Variants in MPDZ observed in about 807,000 individuals in gnomAD.
MPDZ encodes the protein multiple PDZ domain protein.
MPDZ carries 234 observed loss-of-function variants against 239.1 expected under a neutral mutation model. The observed-to-expected ratio is 0.98, with a 90% CI of 0.88 to 1.09. The LOEUF is 1.09. MPDZ is among the 50% of genes least tolerant of loss of function. The probability of loss-of-function intolerance (pLI) is 0.00; values close to 1 mark genes in which losing one functional copy is unlikely to be tolerated. For missense variants in MPDZ, 3,175 were observed against 2,510.0 expected, an observed-to-expected ratio of 1.26 and a Z score of -5.66; for synonymous variants, 1,048 against 881.3, an observed-to-expected ratio of 1.19 and a Z score of -3.35.
chr9:13,165,532 T>TAATGATA, intron 22 of MPDZ: 1 of 1,138,054 alleles, frequency 8.8e-7, no homozygotes, highest in Non-Finnish European at 1.2e-6. Flanking sequence ...TTGTTTTTTT[T>TAATGATA]CCCCCTTTCC....
intron 1 of MPDZ, among the ~76,000 whole-genome samples, chr9:13,252,253 C>T (rs1296701578): frequency 1.3e-5 from 2 of 152,058 alleles, no homozygotes; most frequent in African/African-American, 4.8e-5. Context: ...CCCTCAAAAA[C>T]AATTAACTTC....
chr9:13,177,791 T>C (rs1443917869), intron 19 of MPDZ, among the ~76,000 whole-genome samples: 1 of 152,100 alleles, frequency 6.6e-6, no homozygotes, highest in Non-Finnish European at 1.5e-5. Context: ...TACAGGACTT[T>C]TGGGAGGACA....
At chr9:13,109,173 C>A (rs992388809) in intron 45 of MPDZ, 114 bp from the exon 46 acceptor site, 1 of 887,334 alleles carries the variant, frequency 1.1e-6, no homozygotes, top group Non-Finnish European at 1.5e-6. Context: ...TTGTTACTGA[C>A]AAGGAGTATA....
intron 19 of MPDZ, among the ~76,000 whole-genome samples, chr9:13,181,809 C>G (rs1328748500): frequency 6.6e-6 from 1 of 152,090 alleles, no homozygotes. Context: ...TGCAATCTGT[C>G]CACTGGGAAG....
At position 13,224,521 on chromosome 9, in the gene MPDZ, T is replaced by A; in HGVS notation, c.246A>T (p.Pro82=). ...IEYAHVPHLS[P]AVIPTLQNES... is the part of the protein sequence containing the mutation. ...CATTTTGCAGAGTAGGAATCACAGC[T>A]GGGCTGAGATGAGGAACGTGGGCAT... The change falls in exon 4 of 47, where the codon CCA becomes CCT. Residue 82 remains proline, a synonymous_variant. Coordinates refer to ENST00000319217, the MANE Select transcript of MPDZ (RefSeq NM_001378778.1). 6.2e-7 allele frequency: 1 copy of A among 1,612,762 alleles called. No individual in the cohort carries two copies. Among genetic ancestry groups the A allele is most frequent in the Middle Eastern group, 1.7e-4 (1 of 6,052 alleles).
chr9:13,226,045 G>C (rs971267005), intron 3 of MPDZ, among the ~76,000 whole-genome samples: 1 of 152,008 alleles, frequency 6.6e-6, no homozygotes, highest in Non-Finnish European at 1.5e-5. Context: ...TCGCAAATTT[G>C]CAGCTGACAT....
At chr9:13,171,738 A>G (rs759291883) in intron 21 of MPDZ, among the ~76,000 whole-genome samples, 1 of 152,200 alleles carries the variant, frequency 6.6e-6, no homozygotes, top group Non-Finnish European at 1.5e-5. Context: ...CATGAAATCA[A>G]AACAATGGAT....
chr9:13,162,633 C>G lies in MPDZ; in HGVS notation c.3359+58G>C. ...CTCTAGTCCTCCCTGACTCTGAATT[C>G]CAAATTCTCTACAACTTGCTGTACC... On this transcript the variant is annotated intron_variant, in intron 23 of 46. Coordinates refer to ENST00000319217, the MANE Select transcript of MPDZ (RefSeq NM_001378778.1). The G allele has an allele frequency of 3.4e-6, 4 of 1,176,192 alleles. No individual in the cohort carries two copies. In the African/African-American group the frequency reaches 6.1e-5, roughly 18 times the overall value. The allele number at this position is 1,176,192 out of a possible 1,614,324, so 72.9% of individuals were successfully genotyped here. A position where few individuals can be genotyped will look rare whatever the true frequency, so the allele number is the denominator to read the frequency against.
chr9:13,196,864 G>A lies in MPDZ; in HGVS notation c.1547-634C>T, dbSNP rs975687883. Reference sequence around the variant, plus strand: ...GCTTACCTAAAACAAGAAACTGGTTGAGAAATTTGAAGTCATAGTCAAAGA... The same window carrying A: ...GCTTACCTAAAACAAGAAACTGGTTAAGAAATTTGAAGTCATAGTCAAAGA... On this transcript the variant is annotated intron_variant, in intron 12 of 46. Coordinates refer to ENST00000319217, the MANE Select transcript of MPDZ (RefSeq NM_001378778.1). Among the ~76,000 whole-genome samples the A allele has an allele frequency of 3.3e-5, 5 of 151,984 alleles. No individual in the cohort carries two copies. In the East Asian group the frequency reaches 9.7e-4, roughly 29 times the overall value.
In MPDZ at chr9:13,279,671, A is replaced by G. The variant is rs929228548; in HGVS notation, c.-329T>C. 2 of 150,338 alleles carry G rather than the reference A, an allele frequency of 1.3e-5. No individual in the cohort carries two copies. The highest frequency in any genetic ancestry group is 3.0e-5 in the Non-Finnish European group (2 of 67,608). 9.3% of individuals were successfully genotyped at this position (150,338 alleles called of 1,614,324 possible). A position where few individuals can be genotyped will look rare whatever the true frequency, so the allele number is the denominator to read the frequency against. On this transcript the variant is annotated 5_prime_UTR_variant, in exon 1 of 47. Coordinates refer to ENST00000319217, the MANE Select transcript of MPDZ (RefSeq NM_001378778.1). Reference sequence around the variant, plus strand: ...CTTGCGCCGACCGGGGCTGCCGCGGAGGCGGTGGCGGGGCCCAGGCTGCTG... The same window carrying G: ...CTTGCGCCGACCGGGGCTGCCGCGGGGGCGGTGGCGGGGCCCAGGCTGCTG...
At chr9:13,163,030 T>C (rs1172179963) in intron 22 of MPDZ, among the ~76,000 whole-genome samples, 2 of 152,116 alleles carry the variant, frequency 1.3e-5, no homozygotes, top group South Asian at 2.1e-4. Context: ...TAACTATGTG[T>C]TTACCAATCA....
At chr9:13,163,977 A>G (rs1477266633) in intron 22 of MPDZ, among the ~76,000 whole-genome samples, 6 of 152,188 alleles carry the variant, frequency 3.9e-5, no homozygotes, top group African/African-American at 1.4e-4. Flanking sequence ...GCAGAGTGTC[A>G]TGGGGTAAAT....
chr9:13,201,675 A>G (rs1190768297), intron 12 of MPDZ, among the ~76,000 whole-genome samples: 1 of 151,988 alleles, frequency 6.6e-6, no homozygotes, highest in Non-Finnish European at 1.5e-5. Flanking sequence ...CAAGCTCACT[A>G]AGTTTCTCTG....
chr9:13,224,163 C>A (rs2136379200), intron 4 of MPDZ, among the ~76,000 whole-genome samples: 1 of 151,984 alleles, frequency 6.6e-6, no homozygotes, highest in South Asian at 2.1e-4. Context: ...AAGAATATTT[C>A]TATAATACAA....
At chr9:13,234,309 T>C (rs1279961146) in intron 3 of MPDZ, among the ~76,000 whole-genome samples, 1 of 152,104 alleles carries the variant, frequency 6.6e-6, no homozygotes, top group Non-Finnish European at 1.5e-5. Flanking sequence ...TATAAAGCAT[T>C]AAAATATCAC....
Position 13,150,590 on chromosome 9 carries a change from C to A in MPDZ, c.3551G>T (p.Gly1184Val). Residue 1184 changes from glycine to valine, a missense_variant, in exon 25 of 47, where the codon GGC becomes GTC. Physicochemically the swap from Gly to Val is moderately radical, Grantham distance 109 (BLOSUM62 -3). Transcript: ENST00000319217. Reference protein sequence around the residue: ...SRLSNGEVMRGIFIKHVLEDS... With the variant: ...SRLSNGEVMRVIFIKHVLEDS... The stretch of plus-strand genomic sequence containing the variant: ...TTCCAGAACATGTTTGATGAAAATG[C>A]CCCTCATCACTTCTCCATTGCTTAG... The A allele has an allele frequency of 7.0e-6, 11 of 1,560,860 alleles. No individual in the cohort carries two copies. The highest frequency in any genetic ancestry group is 9.6e-6 in the Non-Finnish European group (11 of 1,151,828).
At chr9:13,232,184 A>G (rs1320179145) in intron 3 of MPDZ, among the ~76,000 whole-genome samples, 3 of 152,204 alleles carry the variant, frequency 2.0e-5, no homozygotes, top group African/African-American at 7.2e-5. Context: ...TGAATATCCA[A>G]ATGAATCCAC....
chr9:13,212,368 C>T (rs972660829), intron 10 of MPDZ, among the ~76,000 whole-genome samples: 2 of 151,972 alleles, frequency 1.3e-5, no homozygotes, highest in African/African-American at 4.8e-5. Flanking sequence ...GATCTATTTT[C>T]CAAGAATTAT....
Position 13,268,655 on chromosome 9 carries a change from T to C in MPDZ, c.-58+10745A>G, listed in dbSNP as rs563018306. The stretch of plus-strand genomic sequence containing the variant: ...ATGACACATGAATCATCTCGAAGTA[T>C]GAGCCGATAAGGAGAGTGTGGAGGA... On this transcript the variant is annotated intron_variant, in intron 1 of 46. Transcript: ENST00000319217. Among the ~76,000 whole-genome samples the C allele has an allele frequency of 1.6e-3, 250 of 152,286 alleles. 1 individual carries two copies. The highest frequency in any genetic ancestry group is 3.3e-3 in the South Asian group (16 of 4,822).
Sources: gnomAD v4.1 joint callset for allele counts (sites outside exome capture counted in the v4.1 genomes callset) on GRCh38, gnomAD v4.1.1 for gene constraint, MANE v1.5 for transcripts, NCBI Gene and HGNC (gene_info 2026-07-23, HGNC 2026-07-21) for gene names.